DST: variants seen among roughly 807,000 people sequenced by gnomAD.
The protein encoded by DST is dystonin, also known as bullous pemphigoid antigen.
DST carries 253 observed loss-of-function variants against 875.2 expected under a neutral mutation model. The observed-to-expected ratio is 0.29, with a 90% CI of 0.26 to 0.32. The LOEUF is 0.32. Among genes scored for constraint, DST ranks in the 10% least tolerant of loss-of-function variants. The pLI is 1.00. For synonymous variants in DST, 3,124 were observed against 3,197.1 expected (o/e 0.98, Z 0.77); for missense variants, 8,287 against 9,111.6 (o/e 0.91, Z 3.68).
Position 56,552,072 on chromosome 6 carries a change from T to C in DST, c.16608+112A>G. On this transcript the variant is annotated intron_variant, in intron 61 of 103. Transcript: ENST00000680361. Reference sequence around the variant, plus strand: ...ATATATGCTCATTCTGGCTCAAATATTGTATGACAATCATTATTAAAAAGT... The same window carrying C: ...ATATATGCTCATTCTGGCTCAAATACTGTATGACAATCATTATTAAAAAGT... The C allele has an allele frequency of 3.2e-6, 4 of 1,248,162 alleles. No homozygotes were observed. In the South Asian group the frequency reaches 4.7e-5, roughly 15 times the overall value. 77.3% of individuals were successfully genotyped at this position (1,248,162 alleles called of 1,614,324 possible).
At chr6:56,735,848 G>A (rs888588899) in intron 4 of DST, among the ~76,000 whole-genome samples, 1 of 151,968 alleles carries the variant, frequency 6.6e-6, no homozygotes, top group Non-Finnish European at 1.5e-5. Context: ...ATATTAAGTA[G>A]TAATTTATTA....
At chr6:56,696,223 C>T (rs551234482) in intron 9 of DST, among the ~76,000 whole-genome samples, 9 of 152,230 alleles carry the variant, frequency 5.9e-5, no homozygotes, top group Non-Finnish European at 1.0e-4. Flanking sequence ...AGTGCAATGG[C>T]GTGATCTCAG....
At chr6:56,477,299 C>T (rs2095241056) in intron 91 of DST, 46 bp downstream of exon 91, 1 of 1,581,828 alleles carries the variant, frequency 6.3e-7, no homozygotes, top group Admixed American at 1.8e-5. Flanking sequence ...CACCCCTCAA[C>T]TCTCAAAGCT....
At chr6:56,685,645 G>A (rs1363731292) in intron 9 of DST, among the ~76,000 whole-genome samples, 6 of 152,090 alleles carry the variant, frequency 3.9e-5, no homozygotes, top group Non-Finnish European at 7.4e-5. Context: ...GGTGGTGGAT[G>A]TCTGTAATCC....
chr6:56,624,613 T>C lies in DST; in HGVS notation c.4846A>G (p.Thr1616Ala). The C allele has an allele frequency of 1.2e-6, 2 of 1,611,820 alleles. No homozygotes were observed. Among genetic ancestry groups the C allele is most frequent in the Non-Finnish European group, 1.7e-6 (2 of 1,178,330 alleles). The change falls in exon 36 of 104, where the codon ACT (threonine) becomes GCT (alanine). Residue 1616 changes from threonine (T) to alanine (A), a missense_variant. Physicochemically the swap from Thr to Ala is moderately conservative, Grantham distance 58. Coordinates refer to ENST00000680361, the MANE Select transcript of DST (RefSeq NM_001374736.1). The part of the protein sequence containing the change: ...LIIQEFMDLR[T>A]RYTALVTLMT... ...AGAGTGACCAGGGCAGTATATCGAG[T>C]CCTTAGGTCCATGAACTGCAAGTAA...
chr6:56,769,893 A>G (rs2099644964), intron 4 of DST, among the ~76,000 whole-genome samples: 1 of 152,188 alleles, frequency 6.6e-6, no homozygotes, highest in Non-Finnish European at 1.5e-5. Context: ...TTTATTATCC[A>G]TACTCTGCCC....
At chr6:56,831,119 T>G (rs1275504095) in intron 4 of DST, among the ~76,000 whole-genome samples, 3 of 152,184 alleles carry the variant, frequency 2.0e-5, no homozygotes, top group African/African-American at 7.2e-5. Context: ...CTAAAATTAT[T>G]ATGATCATCA....
intron 2 of DST, among the ~76,000 whole-genome samples, chr6:56,932,528 AAGG>A (rs1215398890): frequency 6.6e-6 from 1 of 152,090 alleles, no homozygotes; most frequent in Non-Finnish European, 1.5e-5. Flanking sequence ...GGTGGGAGAG[AAGG>A]AGGAGGGAAA....
rs890080846 is a variant in DST at position 56,702,020 on chromosome 6, C to A, written c.877-55G>T. 16 of 1,021,338 alleles carry A rather than the reference C, an allele frequency of 1.6e-5. 1 individual carries two copies. The highest frequency in any genetic ancestry group is 2.1e-4 in the Middle Eastern group (1 of 4,802). The allele number at this position is 1,021,338 out of a possible 1,614,324, so 63.3% of individuals were successfully genotyped here. ...AGAGTTTCTGTTATCACAGACCATGCTAATTTAAATATAATTTCTGTTCAT... is the reference window on the plus strand; with the variant it reads ...AGAGTTTCTGTTATCACAGACCATGATAATTTAAATATAATTTCTGTTCAT... On this transcript the variant is annotated intron_variant, in intron 7 of 103. Coordinates refer to ENST00000680361, the MANE Select transcript of DST (RefSeq NM_001374736.1).
At position 56,572,809 on chromosome 6, in the gene DST, G is replaced by A; in HGVS notation, c.13492C>T (p.Gln4498Ter). The A allele has an allele frequency of 6.2e-7, 1 of 1,611,014 alleles. No homozygotes were observed. Among genetic ancestry groups the A allele is most frequent in the Admixed American group, 1.7e-5 (1 of 59,468 alleles). The stretch of plus-strand genomic sequence containing the variant: ...GGCACATCTACTTCAGTAAGAGCCT[G>A]AGTTTTTGTTTCTAAAAATGTCTGG... ...KLQTFLETKT[Q>*]ALTEVDVPGK... is the part of the protein sequence containing the mutation. Residue 4498 changes from glutamine (Q) to a stop codon, truncating the protein, a stop_gained, in exon 52 of 104, where the codon CAG becomes TAG. Transcript: ENST00000680361. LOFTEE classifies it high-confidence loss of function.
At chr6:56,472,362 AT>A (rs2094939187) in intron 93 of DST, 140 bp from the exon 94 acceptor site, 9 of 732,536 alleles carry the variant, frequency 1.2e-5, no homozygotes, top group Non-Finnish European at 1.8e-5. Flanking sequence ...AATTTAGATG[AT>A]GTATAATGTC....
intron 3 of DST, among the ~76,000 whole-genome samples, chr6:56,866,394 C>T (rs550350939): frequency 1.8e-4 from 27 of 152,302 alleles, no homozygotes; most frequent in African/African-American, 6.5e-4. Flanking sequence ...TCCTTGTCCT[C>T]AACGATCTAT....
rs1025294279 is a variant in DST, at chr6:56,636,409, T to C, written c.3060+148A>G. 1.2e-5 allele frequency: 8 copies of C among 661,834 alleles called. No individual in the cohort carries two copies. The African/African-American group carries it at 1.3e-4, about 10-fold the overall frequency. 41.0% of individuals were successfully genotyped at this position (661,834 alleles called of 1,614,324 possible). A position where few individuals can be genotyped will look rare whatever the true frequency, so the allele number is the denominator to read the frequency against. ...ATGTGTATACGTATGTGTGTATATA[T>C]ATACACACATATATGTGTATATATA... is the stretch of plus-strand genomic sequence containing the variant. On this transcript the variant is annotated intron_variant, in intron 23 of 103. Transcript: ENST00000680361.
chr6:56,551,084 G>A (rs573449806), intron 61 of DST, among the ~76,000 whole-genome samples: 64 of 152,198 alleles, frequency 4.2e-4, no homozygotes, highest in African/African-American at 1.3e-3. Context: ...CTTCAAAGGC[G>A]TTTAATAAAC....
intron 5 of DST, among the ~76,000 whole-genome samples, chr6:56,733,831 A>G (rs1323976052): frequency 6.6e-6 from 1 of 152,258 alleles, no homozygotes; most frequent in Non-Finnish European, 1.5e-5. Flanking sequence ...CCAAAGGAAT[A>G]GGACAAACAA....
rs1402489420 is a variant in DST, at chr6:56,463,905, A to T, written c.22760-141T>A. ...AACATCTTTTTGCCATGCCAACTCC[A>T]ACTCAGCATAACAAAAAGTTAAATG... is the stretch of plus-strand genomic sequence containing the variant. On this transcript the variant is annotated intron_variant, in intron 100 of 103. Coordinates refer to ENST00000680361, the MANE Select transcript of DST (RefSeq NM_001374736.1). 6.9e-6 allele frequency: 6 copies of T among 868,462 alleles called. No homozygotes were observed. The East Asian group carries it at 1.4e-4, about 21-fold the overall frequency. 53.8% of individuals were successfully genotyped at this position (868,462 alleles called of 1,614,324 possible).
At chr6:56,802,968 T>C (rs554191164) in intron 4 of DST, among the ~76,000 whole-genome samples, 50 of 152,326 alleles carry the variant, frequency 3.3e-4, no homozygotes, top group African/African-American at 1.2e-3. Context: ...CATTAAAAGA[T>C]AGTACAGTAC....
intron 36 of DST, among the ~76,000 whole-genome samples, chr6:56,621,137 A>G (rs2098687907): frequency 6.6e-6 from 1 of 152,208 alleles, no homozygotes; most frequent in African/African-American, 2.4e-5. Flanking sequence ...CATAATCCTA[A>G]GAGGTAGGAA....
At chr6:56,500,719 T>G (rs1403715810) in intron 80 of DST, among the ~76,000 whole-genome samples, 2 of 152,156 alleles carry the variant, frequency 1.3e-5, no homozygotes, top group East Asian at 1.9e-4. Flanking sequence ...CTATGATTTT[T>G]TAGGCTATCC....
Sources: allele counts gnomAD v4.1 joint callset (sites outside exome capture counted in the v4.1 genomes callset), GRCh38; gene constraint gnomAD v4.1.1; transcripts MANE v1.5; gene names NCBI Gene and HGNC (gene_info 2026-07-23, HGNC 2026-07-21).